The following SAMTOR variants were observed in gnomAD, a reference collection of about 807,000 sequenced individuals.
The protein encoded by SAMTOR is UPF0532 protein C7orf60.
chr7:112,856,490 T>G, the SAMTOR span, among the ~76,000 whole-genome samples: 1 of 152,174 alleles, frequency 6.6e-6, no homozygotes, highest in Non-Finnish European at 1.5e-5. Flanking sequence ...GCTCAGATGA[T>G]CTACCTGCCT....
chr7:112,840,294 G>A, the SAMTOR span, among the ~76,000 whole-genome samples: 1 of 151,806 alleles, frequency 6.6e-6, no homozygotes, highest in Non-Finnish European at 1.5e-5. Flanking sequence ...TCTTCACCCA[G>A]ACCATACAAA....
chr7:112,823,670 T>C, the SAMTOR span, among the ~76,000 whole-genome samples: 1 of 152,180 alleles, frequency 6.6e-6, no homozygotes, highest in African/African-American at 2.4e-5. Flanking sequence ...CTTTAATTTG[T>C]CTTGGGGAAA....
chr7:112,915,395 AAG>A, the SAMTOR span: 1 of 1,613,588 alleles, frequency 6.2e-7, no homozygotes, highest in Non-Finnish European at 8.5e-7. Flanking sequence ...CATATTCACA[AAG>A]AGTTTCTTCA....
At chr7:112,861,911 C>T in the SAMTOR span, among the ~76,000 whole-genome samples, 1 of 152,118 alleles carries the variant, frequency 6.6e-6, no homozygotes, top group Admixed American at 6.6e-5. Flanking sequence ...ATTTATGATT[C>T]CATCCTATTC....
the SAMTOR span, among the ~76,000 whole-genome samples, chr7:112,889,992 A>T: frequency 2.0e-5 from 3 of 152,218 alleles, no homozygotes; most frequent in Non-Finnish European, 4.4e-5. Flanking sequence ...CAGCTACGCT[A>T]GTCTCAGGCT....
the SAMTOR span, among the ~76,000 whole-genome samples, chr7:112,850,375 T>C: frequency 6.6e-6 from 1 of 152,214 alleles, no homozygotes; most frequent in Non-Finnish European, 1.5e-5. Context: ...TTTGTGTGTG[T>C]TCTTGCCTGG....
the SAMTOR span, among the ~76,000 whole-genome samples, chr7:112,835,396 C>T: frequency 6.6e-6 from 1 of 152,106 alleles, no homozygotes; most frequent in Non-Finnish European, 1.5e-5. Flanking sequence ...CACTATTAAT[C>T]TTACATCAGA....
the SAMTOR span, among the ~76,000 whole-genome samples, chr7:112,822,672 G>A: frequency 6.6e-6 from 1 of 152,020 alleles, no homozygotes; most frequent in African/African-American, 2.4e-5. Context: ...TTTAATTTGG[G>A]TAGGAGTTTA....
the SAMTOR span, among the ~76,000 whole-genome samples, chr7:112,825,046 G>A: frequency 3.9e-5 from 6 of 152,124 alleles, no homozygotes; most frequent in Admixed American, 2.6e-4. Flanking sequence ...TATACAGACA[G>A]GGTCTCACTC....
the SAMTOR span, among the ~76,000 whole-genome samples, chr7:112,823,151 A>T: frequency 3.2e-4 from 49 of 152,202 alleles, no homozygotes; most frequent in African/African-American, 1.2e-3. Flanking sequence ...TGTATATACA[A>T]GCCGGCCACA....
chr7:112,832,554 T>C, the SAMTOR span: 61 of 1,492,420 alleles, frequency 4.1e-5, no homozygotes, highest in Non-Finnish European at 5.4e-5. Flanking sequence ...AACAAAACTA[T>C]GCATACCTCT....
the SAMTOR span, among the ~76,000 whole-genome samples, chr7:112,931,804 G>A: frequency 0.011 from 1,622 of 152,150 alleles, 30 homozygotes; most frequent in African/African-American, 0.037. Flanking sequence ...TAGTTTAGTG[G>A]TTGTCAGATG....
the SAMTOR span, among the ~76,000 whole-genome samples, chr7:112,916,833 G>A: frequency 7.9e-4 from 121 of 152,294 alleles, 1 homozygote; most frequent in Middle Eastern, 0.017. Flanking sequence ...ACAGAGTCTC[G>A]CTGATTGCTA....
chr7:112,917,818 T>C, the SAMTOR span, among the ~76,000 whole-genome samples: 885 of 152,152 alleles, frequency 5.8e-3, 14 homozygotes, highest in African/African-American at 0.019. Context: ...CCTCAGGAGC[T>C]GATGCGATCA....
At chr7:112,889,209 C>G in the SAMTOR span, among the ~76,000 whole-genome samples, 1 of 152,022 alleles carries the variant, frequency 6.6e-6, no homozygotes, top group East Asian at 1.9e-4. Flanking sequence ...GAAAAATGTT[C>G]AACAGTGAAT....
the SAMTOR span, among the ~76,000 whole-genome samples, chr7:112,894,223 A>T: frequency 6.6e-6 from 1 of 151,526 alleles, no homozygotes; most frequent in African/African-American, 2.4e-5. Flanking sequence ...GAGGGGAGAG[A>T]GACTGGGGAA....
the SAMTOR span, among the ~76,000 whole-genome samples, chr7:112,905,334 T>A: frequency 6.6e-6 from 1 of 152,168 alleles, no homozygotes; most frequent in Non-Finnish European, 1.5e-5. Flanking sequence ...CATTGATCAC[T>A]CCATGTTTTC....
the SAMTOR span, among the ~76,000 whole-genome samples, chr7:112,906,631 C>T: frequency 2.0e-5 from 3 of 148,218 alleles, no homozygotes; most frequent in East Asian, 2.0e-4. Flanking sequence ...TGCAGTGGTG[C>T]GATCTTGGCT....
the SAMTOR span, among the ~76,000 whole-genome samples, chr7:112,892,848 G>GT: frequency 4.3e-4 from 66 of 152,224 alleles, no homozygotes; most frequent in African/African-American, 1.5e-3. Flanking sequence ...AATGGACGTT[G>GT]TATTAGCAGG....
Sources: allele counts gnomAD v4.1 joint callset (sites outside exome capture counted in the v4.1 genomes callset), GRCh38; gene constraint gnomAD v4.1.1; transcripts MANE v1.5; gene names NCBI Gene and HGNC (gene_info 2026-07-23, HGNC 2026-07-21).